Variants in FRMD3 observed in about 807,000 individuals in gnomAD.
FRMD3 encodes FERM domain-containing protein 3.
A neutral mutation model predicts 70.2 loss-of-function variants in FRMD3; 33 were observed. The observed-to-expected ratio is 0.47, with a 90% confidence interval of 0.36 to 0.63. FRMD3 has a LOEUF of 0.63. Among genes scored for constraint, FRMD3 ranks in the 20% least tolerant of loss-of-function variants. FRMD3 has a pLI of 0.00. For synonymous variants in FRMD3, 279 were observed against 255.9 expected, an observed-to-expected ratio of 1.09 and a Z score of -0.86; for missense variants, 632 against 711.4, an observed-to-expected ratio of 0.89 and a Z score of 1.27.
At chr9:83,278,449 T>C (rs998644128) in intron 13 of FRMD3, among the ~76,000 whole-genome samples, 1 of 152,030 alleles carries the variant, frequency 6.6e-6, no homozygotes, top group Non-Finnish European at 1.5e-5. Flanking sequence ...TAGACAGAGA[T>C]GAGGGGCTGC....
intron 1 of FRMD3, among the ~76,000 whole-genome samples, chr9:83,441,176 G>A (rs1386778014): frequency 6.6e-6 from 1 of 152,094 alleles, no homozygotes; most frequent in African/African-American, 2.4e-5. Flanking sequence ...AGCTGTGAGG[G>A]GTTCTGGTCA....
chr9:83,311,988 A>G lies in FRMD3; in HGVS notation c.685-13T>C. 1 of 1,542,926 alleles carries G rather than the reference A, an allele frequency of 6.5e-7. No homozygotes were observed. ...TGCCTGTTGAATCCTGAAAAAAAAA[A>G]AAAAGAAAAAAGAAAAATCTGTTTA... is the stretch of plus-strand genomic sequence containing the variant. On this transcript the variant is annotated splice_polypyrimidine_tract_variant and intron_variant, in intron 7 of 13. Coordinates refer to ENST00000304195, the MANE Select transcript of FRMD3 (RefSeq NM_174938.6).
At chr9:83,243,139 G>T, downstream of FRMD3, 2 of 1,524,062 alleles carry the variant, frequency 1.3e-6, no homozygotes, top group Non-Finnish European at 1.8e-6. Flanking sequence ...CACAGACGGA[G>T]GCTGGAACAT....
intron 3 of FRMD3, among the ~76,000 whole-genome samples, chr9:83,355,649 G>A (rs3915916): frequency 1.3e-5 from 2 of 152,014 alleles, no homozygotes; most frequent in African/African-American, 4.8e-5. Context: ...CTCCTGGAAC[G>A]TGTACACAGG....
chr9:83,248,113 C>T lies in FRMD3; in HGVS notation c.1599G>A (p.Val533=), dbSNP rs781075211. Residue 533 remains valine, a synonymous_variant, in exon 14 of 14, where the codon GTG becomes GTA. Coordinates refer to ENST00000304195, the MANE Select transcript of FRMD3 (RefSeq NM_174938.6). ...CAAAGAGCAGCAGTCCCAGGCCCAC[C>T]ACAAGGAGCCTGGAAAAACTCTTGA... ...PLVKSFSRLL[V]VGLGLLLFVF... The T allele has an allele frequency of 1.2e-6, 2 of 1,614,198 alleles. No individual in the cohort carries two copies. Among genetic ancestry groups the T allele is most frequent in the Admixed American group, 1.7e-5 (1 of 60,010 alleles).
intron 6 of FRMD3, among the ~76,000 whole-genome samples, chr9:83,323,945 C>T (rs549651917): frequency 2.0e-5 from 3 of 152,300 alleles, no homozygotes; most frequent in Non-Finnish European, 4.4e-5. Context: ...TAGGCTTGTA[C>T]TTACACTAGG....
At chr9:83,557,757 C>T in the FRMD3 span, among the ~76,000 whole-genome samples, 6 of 152,162 alleles carry the variant, frequency 3.9e-5, no homozygotes, top group East Asian at 1.9e-4. Context: ...GGGGGAAAAA[C>T]GAAAAGAAAT....
At chr9:83,470,534 T>G (rs1336011477) in intron 1 of FRMD3, among the ~76,000 whole-genome samples, 2 of 152,236 alleles carry the variant, frequency 1.3e-5, no homozygotes, top group East Asian at 3.8e-4. Context: ...TTTAAGGGAC[T>G]ATGCTGCTGC....
At chr9:83,575,991 G>A in the FRMD3 span, among the ~76,000 whole-genome samples, 2 of 152,132 alleles carry the variant, frequency 1.3e-5, no homozygotes, top group Middle Eastern at 3.4e-3. Context: ...GGCCAAGGCG[G>A]GAGGATCACT....
chr9:83,471,373 T>C (rs1828264173), intron 1 of FRMD3, among the ~76,000 whole-genome samples: 1 of 152,340 alleles, frequency 6.6e-6, no homozygotes, highest in African/African-American at 2.4e-5. Context: ...TCTGCTCCAT[T>C]TTCTCATATC....
At chr9:83,368,851 C>A (rs951698716) in intron 3 of FRMD3, among the ~76,000 whole-genome samples, 3 of 151,954 alleles carry the variant, frequency 2.0e-5, no homozygotes, top group Non-Finnish European at 2.9e-5. Flanking sequence ...TCTACTTATT[C>A]TATTTCTAGG....
chr9:83,317,915 A>T (rs929721134), intron 6 of FRMD3, among the ~76,000 whole-genome samples: 1 of 152,200 alleles, frequency 6.6e-6, no homozygotes, highest in African/African-American at 2.4e-5. Context: ...ACCTATCTGG[A>T]ATATTTTTTA....
chr9:83,528,105 T>G (rs1263483387), intron 1 of FRMD3, among the ~76,000 whole-genome samples: 1 of 152,252 alleles, frequency 6.6e-6, no homozygotes, highest in Non-Finnish European at 1.5e-5. Flanking sequence ...GGTTTACAGT[T>G]TAAACACTTC....
chr9:83,457,666 T>C (rs1827855901), intron 1 of FRMD3, among the ~76,000 whole-genome samples: 1 of 152,332 alleles, frequency 6.6e-6, no homozygotes, highest in South Asian at 2.1e-4. Flanking sequence ...TCTGTACTGT[T>C]CACCACAAAG....
At chr9:83,357,246 CATAT>C (rs1824406446) in intron 3 of FRMD3, among the ~76,000 whole-genome samples, 1 of 6,314 alleles carries the variant, frequency 1.6e-4, no homozygotes. Flanking sequence ...ATAATACATA[CATAT>C]ATATATATAT....
upstream of FRMD3, among the ~76,000 whole-genome samples, chr9:83,540,877 A>G (rs1829992240): frequency 6.6e-6 from 1 of 152,234 alleles, no homozygotes; most frequent in African/African-American, 2.4e-5. Context: ...TCATCTACAA[A>G]TCGCCAAATT....
intron 1 of FRMD3, among the ~76,000 whole-genome samples, chr9:83,390,292 C>A (rs1825631998): frequency 6.6e-6 from 1 of 152,214 alleles, no homozygotes; most frequent in Non-Finnish European, 1.5e-5. Context: ...GCCACTTTGA[C>A]CCCCTGGAGC....
At chr9:83,484,776 A>T (rs1828648641) in intron 1 of FRMD3, among the ~76,000 whole-genome samples, 1 of 152,214 alleles carries the variant, frequency 6.6e-6, no homozygotes, top group Non-Finnish European at 1.5e-5. Context: ...AAGAGTATCA[A>T]ATCTAGCAAA....
rs745780469 is a variant in FRMD3 at position 83,313,744 on chromosome 9, C to T, written c.600G>A (p.Gly200=). 2 of 1,613,414 alleles carry T rather than the reference C, an allele frequency of 1.2e-6. No individual in the cohort carries two copies. The highest frequency in any genetic ancestry group is 1.7e-6 in the Non-Finnish European group (2 of 1,179,414). ...IVEIHKNELR[G]QSPPVAEFNL... ...TAAATTCAGCAACTGGTGGGCTCTG[C>T]CCCCTAAAATCACACAAGAAAAGTT... Residue 200 remains glycine, a synonymous_variant, in exon 7 of 14, where the codon GGG becomes GGA. Coordinates refer to ENST00000304195, the MANE Select transcript of FRMD3 (RefSeq NM_174938.6).
Sources: allele counts gnomAD v4.1 joint callset (sites outside exome capture counted in the v4.1 genomes callset), GRCh38; gene constraint gnomAD v4.1.1; transcripts MANE v1.5; gene names NCBI Gene and HGNC (gene_info 2026-07-23, HGNC 2026-07-21).